SHISA9: variants seen among roughly 807,000 people sequenced by gnomAD.
The protein encoded by SHISA9 is protein shisa-9.
A neutral mutation model predicts 38.0 loss-of-function variants in SHISA9; 13 were observed. The ratio of observed to expected loss-of-function variants is 0.34; its 90% confidence interval spans 0.22 to 0.54. The LOEUF is 0.54. SHISA9 is among the 20% of genes least tolerant of loss of function. SHISA9 has a pLI of 0.91. For missense variants in SHISA9, 538 were observed against 575.8 expected (o/e 0.93, Z 0.67); for synonymous variants, 275 against 242.0 (o/e 1.14, Z -1.27).
chr16:12,909,619 C>T (rs1016046385), intron 1 of SHISA9: 8 of 984,994 alleles, frequency 8.1e-6, no homozygotes, highest in Non-Finnish European at 8.4e-6. Flanking sequence ...TGGCTGGTCC[C>T]TCCTCATCAC....
At chr16:12,987,635 G>T (rs1303910962) in intron 2 of SHISA9, among the ~76,000 whole-genome samples, 1 of 152,168 alleles carries the variant, frequency 6.6e-6, no homozygotes, top group Non-Finnish European at 1.5e-5. Context: ...AATAGCTAAT[G>T]CATGTGGGGC....
intron 2 of SHISA9, 114 bp from the exon 3 acceptor site, chr16:13,203,280 C>T (rs2051023791): frequency 9.4e-7 from 1 of 1,067,368 alleles, no homozygotes; most frequent in Non-Finnish European, 1.2e-6. Context: ...TGTTTTGCGA[C>T]TTGCGTCCCT....
At chr16:13,178,988 T>C (rs1177990178) in intron 2 of SHISA9, among the ~76,000 whole-genome samples, 1 of 152,212 alleles carries the variant, frequency 6.6e-6, no homozygotes, top group Non-Finnish European at 1.5e-5. Context: ...GAGTTGTTGA[T>C]GTCTAAGGCT....
chr16:13,105,520 G>A (rs2073917610), intron 2 of SHISA9, among the ~76,000 whole-genome samples: 1 of 152,220 alleles, frequency 6.6e-6, no homozygotes, highest in South Asian at 2.1e-4. Context: ...TGGGTAGGAT[G>A]TCCCCATGGG....
the SHISA9 span, among the ~76,000 whole-genome samples, chr16:13,522,456 T>C: frequency 6.6e-6 from 1 of 152,146 alleles, no homozygotes; most frequent in African/African-American, 2.4e-5. Context: ...TTGCTATTAA[T>C]GATGTTGACC....
chr16:12,999,744 T>C (rs2072501202), intron 2 of SHISA9, among the ~76,000 whole-genome samples: 1 of 152,136 alleles, frequency 6.6e-6, no homozygotes, highest in Admixed American at 6.5e-5. Context: ...TGACATGTAG[T>C]TTGGGAACTG....
chr16:13,224,357 C>A (rs763376221), intron 4 of SHISA9, among the ~76,000 whole-genome samples: 1 of 152,156 alleles, frequency 6.6e-6, no homozygotes, highest in Non-Finnish European at 1.5e-5. Flanking sequence ...GATCCTAGTT[C>A]GCCTGTCTGC....
At chr16:12,915,098 A>G (rs1459761098) in intron 1 of SHISA9, among the ~76,000 whole-genome samples, 1 of 152,174 alleles carries the variant, frequency 6.6e-6, no homozygotes. Context: ...TATATCCCCA[A>G]ACACGGCAAT....
rs561707577 is a variant in SHISA9 at position 13,051,878 on chromosome 16, C to T, written c.691+135063C>T. Among the ~76,000 whole-genome samples, 6 of 152,134 alleles carry T rather than the reference C, an allele frequency of 3.9e-5. No individual in the cohort carries two copies. In the South Asian group the frequency reaches 1.2e-3, roughly 32 times the overall value. ...CTCCCCGGTTCAAACAATTCTCCTG[C>T]CTCAGTCTCCTGAGTAGCTGGGACT... On this transcript the variant is annotated intron_variant, in intron 2 of 4. Transcript: ENST00000558583.
the SHISA9 span, among the ~76,000 whole-genome samples, chr16:13,507,396 A>C: frequency 4.6e-5 from 7 of 152,122 alleles, no homozygotes; most frequent in South Asian, 1.5e-3. Context: ...TGGATTAAGC[A>C]TTGGCTTCTT....
intron 2 of SHISA9, among the ~76,000 whole-genome samples, chr16:12,956,312 A>G (rs1422287966): frequency 6.6e-6 from 1 of 152,246 alleles, no homozygotes; most frequent in Non-Finnish European, 1.5e-5. Flanking sequence ...CTTATGAGAA[A>G]CAGTATAGAG....
chr16:12,993,664 G>A (rs1158795021), intron 2 of SHISA9, among the ~76,000 whole-genome samples: 2 of 152,164 alleles, frequency 1.3e-5, no homozygotes, highest in Non-Finnish European at 2.9e-5. Flanking sequence ...CCCTGTAGCA[G>A]GAGGCACACA....
chr16:13,376,434 G>T, the SHISA9 span, among the ~76,000 whole-genome samples: 1 of 152,132 alleles, frequency 6.6e-6, no homozygotes, highest in Admixed American at 6.5e-5. Context: ...CACATTTACA[G>T]CCAGGTGGGG....
the SHISA9 span, among the ~76,000 whole-genome samples, chr16:13,369,209 A>G: frequency 6.6e-6 from 1 of 152,160 alleles, no homozygotes; most frequent in Non-Finnish European, 1.5e-5. Flanking sequence ...ATTTCCGTAT[A>G]TAGAAAGGAT....
At chr16:13,008,439 C>T (rs553122964) in intron 2 of SHISA9, among the ~76,000 whole-genome samples, 12 of 152,174 alleles carry the variant, frequency 7.9e-5, no homozygotes, top group South Asian at 2.1e-4. Context: ...GCCCTGTGTC[C>T]CCAGGCAGAT....
At chr16:12,960,384 A>G (rs1354597204) in intron 2 of SHISA9, among the ~76,000 whole-genome samples, 1 of 152,158 alleles carries the variant, frequency 6.6e-6, no homozygotes, top group African/African-American at 2.4e-5. Flanking sequence ...TAGAACTGGA[A>G]ATACCATTTG....
At chr16:13,263,141 C>T in the SHISA9 span, among the ~76,000 whole-genome samples, 1 of 152,206 alleles carries the variant, frequency 6.6e-6, no homozygotes, top group Non-Finnish European at 1.5e-5. Context: ...ATCCCAACTA[C>T]ACTACATTTC....
At chr16:13,354,714 T>G in the SHISA9 span, among the ~76,000 whole-genome samples, 1 of 152,078 alleles carries the variant, frequency 6.6e-6, no homozygotes, top group African/African-American at 2.4e-5. Flanking sequence ...ACAGAAAGGC[T>G]ACAGGGTGTG....
At chr16:13,018,819 A>C (rs143526753) in intron 2 of SHISA9, among the ~76,000 whole-genome samples, 280 of 152,274 alleles carry the variant, frequency 1.8e-3, no homozygotes, top group Non-Finnish European at 3.0e-3. Context: ...GATTCAGTTC[A>C]GGGGGTAATC....
Sources: gnomAD v4.1 joint callset for allele counts (sites outside exome capture counted in the v4.1 genomes callset) on GRCh38, gnomAD v4.1.1 for gene constraint, MANE v1.5 for transcripts, NCBI Gene and HGNC (gene_info 2026-07-23, HGNC 2026-07-21) for gene names.